Variants in CD200R1L observed in about 807,000 individuals in gnomAD.
CD200R1L encodes CD200 receptor 1 like.
Under a neutral mutation model 24.8 loss-of-function variants are expected in CD200R1L, and 14 were observed. That is an observed-to-expected ratio of 0.56 (90% CI 0.37 to 0.88). CD200R1L has a LOEUF of 0.88. CD200R1L is among the 40% of genes least tolerant of loss of function. CD200R1L has a pLI of 0.00. For synonymous variants in CD200R1L, 111 were observed against 109.2 expected (o/e 1.02, Z -0.11); for missense variants, 299 against 297.8 (o/e 1.00, Z -0.03).
intron 7 of CD200R1L, among the ~76,000 whole-genome samples, chr3:112,817,138 T>G (rs772536316): frequency 1.3e-5 from 2 of 152,072 alleles, no homozygotes; most frequent in Non-Finnish European, 2.9e-5. Flanking sequence ...AATGGACTGA[T>G]TCCCATTCTA....
At chr3:112,836,682 A>C (rs1389021855) in intron 3 of CD200R1L, among the ~76,000 whole-genome samples, 2 of 152,182 alleles carry the variant, frequency 1.3e-5, no homozygotes, top group African/African-American at 2.4e-5. Context: ...TTTCTCTTTA[A>C]TCTAAAATTA....
At chr3:112,830,961 C>T (rs1938783463) in intron 3 of CD200R1L, among the ~76,000 whole-genome samples, 1 of 151,886 alleles carries the variant, frequency 6.6e-6, no homozygotes, top group African/African-American at 2.4e-5. Context: ...TGGACCAGCT[C>T]ATGTGAGATA....
intron 2 of CD200R1L, chr3:112,841,388 A>G (rs1559926699): frequency 2.8e-6 from 1 of 356,368 alleles, no homozygotes; most frequent in Non-Finnish European, 5.7e-6. Context: ...TTTATAAATT[A>G]CCCATTCTTG....
chr3:112,826,970 T>C, intron 6 of CD200R1L, 23 bp downstream of exon 6: 2 of 1,556,846 alleles, frequency 1.3e-6, no homozygotes, highest in South Asian at 1.2e-5. Context: ...AAGTTTACTC[T>C]TCTACAAGAA....
chr3:112,815,888 GGA>G lies in CD200R1L; in HGVS notation c.*73_*74del. The G allele has an allele frequency of 1.3e-6, 1 of 774,136 alleles. No individual in the cohort carries two copies. Among genetic ancestry groups the G allele is most frequent in the African/African-American group, 1.7e-5 (1 of 58,874 alleles). The allele number at this position is 774,136 out of a possible 1,614,324, so 48.0% of individuals were successfully genotyped here. The stretch of plus-strand genomic sequence containing the variant: ...TCATCCATGGCCCAAGTTCACTGCT[GGA>G]CCATCACTCATCTCACCAATGTTGC... On this transcript the variant is annotated 3_prime_UTR_variant, in exon 8 of 8. Coordinates refer to ENST00000488794, the MANE Select transcript of CD200R1L (RefSeq NM_001199215.3).
chr3:112,844,120 C>T lies in CD200R1L; in HGVS notation c.-87+1559G>A, dbSNP rs371325322. The stretch of plus-strand genomic sequence containing the variant: ...AATAGTTGGAGACTTCAACATCCCA[C>T]AGACAGTGTTAGATCATCAAGGCAG... On this transcript the variant is annotated intron_variant, in intron 2 of 7. Coordinates refer to ENST00000488794, the MANE Select transcript of CD200R1L (RefSeq NM_001199215.3). Among the ~76,000 whole-genome samples the T allele has an allele frequency of 1.1e-3, 164 of 152,312 alleles. 4 individuals are homozygous for T. The South Asian group carries it at 0.031, about 29-fold the overall frequency.
At chr3:112,837,892 A>G (rs988958192) in intron 3 of CD200R1L, 50 bp downstream of exon 3, 1 of 721,638 alleles carries the variant, frequency 1.4e-6, no homozygotes, top group East Asian at 9.1e-5. Context: ...GTTTCTGCTG[A>G]TGATCCAACC....
Position 112,827,045 on chromosome 3 carries a change from G to A in CD200R1L, c.564C>T (p.Cys188=), listed in dbSNP as rs1158170682. 1 of 1,609,862 alleles carries A rather than the reference G, an allele frequency of 6.2e-7. No individual in the cohort carries two copies. The highest frequency in any genetic ancestry group is 8.5e-7 in the Non-Finnish European group (1 of 1,178,346). The part of the protein sequence containing the change: ...PWEGHKSTVT[C]HVSHLTGNKS... ...TGTTGCCAGTCAAATGGGAGACATG[G>A]CAGGTCACAGTAGACTTGTGGCCCT... is the stretch of plus-strand genomic sequence containing the variant. The change falls in exon 6 of 8, where the codon TGC becomes TGT. Residue 188 remains cysteine (C), a synonymous_variant. Transcript: ENST00000488794.
In CD200R1L at chr3:112,826,836, A is replaced by G. The variant is rs564041119; in HGVS notation, c.616+157T>C. Among the ~76,000 whole-genome samples, 121 of 152,358 alleles carry G rather than the reference A, an allele frequency of 7.9e-4. 1 individual carries two copies. Among genetic ancestry groups the G allele is most frequent in the Non-Finnish European group, 1.6e-3 (107 of 68,030 alleles). On this transcript the variant is annotated intron_variant, in intron 6 of 7. Coordinates refer to ENST00000488794, the MANE Select transcript of CD200R1L (RefSeq NM_001199215.3). ...CTATTTTTATGGCTGTTCTACTAAA[A>G]GACAGATTCTAGCGTTGTAATGCAT... is the stretch of plus-strand genomic sequence containing the variant.
chr3:112,833,354 C>G (rs1938857165), intron 3 of CD200R1L, among the ~76,000 whole-genome samples: 1 of 152,158 alleles, frequency 6.6e-6, no homozygotes, highest in Admixed American at 6.5e-5. Flanking sequence ...AATGTGGAGC[C>G]TCAGACAAGT....
At chr3:112,841,347 G>A (rs1939074987) in intron 2 of CD200R1L, 3 of 427,040 alleles carry the variant, frequency 7.0e-6, no homozygotes, top group South Asian at 3.4e-5. Flanking sequence ...TGTACAGCCT[G>A]TGGAACAGTG....
intron 2 of CD200R1L, among the ~76,000 whole-genome samples, chr3:112,840,676 A>G (rs1170120495): frequency 1.3e-5 from 2 of 152,220 alleles, no homozygotes; most frequent in Admixed American, 6.5e-5. Flanking sequence ...TAAAAATAAA[A>G]TATCAGAACT....
chr3:112,824,609 A>G (rs1015959046), intron 6 of CD200R1L, among the ~76,000 whole-genome samples: 9 of 152,214 alleles, frequency 5.9e-5, no homozygotes, highest in Non-Finnish European at 4.4e-5. Flanking sequence ...AGAAGAAATA[A>G]ATCTACTTAA....
chr3:112,837,942 C>G lies in CD200R1L; in HGVS notation c.-18G>C. ...GTTATTAAGTAAGTGAGCATTTTAC[C>G]TTCATTAAGACGTATTCTCTAACTT... On this transcript the variant is annotated splice_region_variant and 5_prime_UTR_variant, in exon 3 of 8. Coordinates refer to ENST00000488794, the MANE Select transcript of CD200R1L (RefSeq NM_001199215.3). 8.3e-7 allele frequency: 1 copy of G among 1,201,692 alleles called. No individual in the cohort carries two copies. Among genetic ancestry groups the G allele is most frequent in the South Asian group, 1.4e-5 (1 of 69,360 alleles). 74.4% of individuals were successfully genotyped at this position (1,201,692 alleles called of 1,614,324 possible).
At chr3:112,831,031 T>C (rs369702299) in intron 3 of CD200R1L, among the ~76,000 whole-genome samples, 17 of 152,202 alleles carry the variant, frequency 1.1e-4, no homozygotes, top group African/African-American at 4.1e-4. Context: ...CATGGTTACC[T>C]CATACAAACT....
At chr3:112,845,586 A>G in intron 2 of CD200R1L, 93 bp downstream of exon 2, 1 of 1,047,814 alleles carries the variant, frequency 9.5e-7, no homozygotes, top group Admixed American at 1.9e-5. Context: ...ACAAGTCAAG[A>G]AACACCTTAT....
At chr3:112,842,790 T>C (rs1939112373) in intron 2 of CD200R1L, among the ~76,000 whole-genome samples, 1 of 152,214 alleles carries the variant, frequency 6.6e-6, no homozygotes, top group Non-Finnish European at 1.5e-5. Context: ...TCAGGCTTAC[T>C]AGGGTGGGGA....
At chr3:112,827,818 CT>C in intron 4 of CD200R1L, 134 bp from the exon 5 acceptor site, 1 of 818,406 alleles carries the variant, frequency 1.2e-6, no homozygotes, top group Non-Finnish European at 1.9e-6. Flanking sequence ...AAATATTAGA[CT>C]TAGGTAAGAA....
intron 2 of CD200R1L, among the ~76,000 whole-genome samples, chr3:112,845,272 C>T (rs1348182627): frequency 1.3e-5 from 2 of 152,210 alleles, no homozygotes; most frequent in Non-Finnish European, 2.9e-5. Flanking sequence ...TATGCACACA[C>T]ACTAGAAAAA....
Sources: allele counts gnomAD v4.1 joint callset (sites outside exome capture counted in the v4.1 genomes callset), GRCh38; gene constraint gnomAD v4.1.1; transcripts MANE v1.5; gene names NCBI Gene and HGNC (gene_info 2026-07-23, HGNC 2026-07-21).